The following ADAMTS18 variants were observed in gnomAD, a reference collection of about 807,000 sequenced individuals.
ADAMTS18 encodes the protein ADAM metallopeptidase with thrombospondin type 1 motif 18.
Under a neutral mutation model 165.9 loss-of-function variants are expected in ADAMTS18, and 157 were observed. That is an observed-to-expected ratio of 0.95 (90% confidence interval 0.83 to 1.08). The LOEUF (loss-of-function observed/expected upper bound fraction) is 1.08. ADAMTS18 is among the 50% of genes least tolerant of loss of function. The probability of loss-of-function intolerance (pLI) is 0.00; values close to 1 mark genes in which losing one functional copy is unlikely to be tolerated. For missense variants in ADAMTS18, 2,040 were observed against 1,534.0 expected, an observed-to-expected ratio of 1.33 and a Z score of -5.51; for synonymous variants, 782 against 578.2, an observed-to-expected ratio of 1.35 and a Z score of -5.06.
In ADAMTS18 at chr16:77,300,413, T is replaced by G; in HGVS notation, c.2533-9A>C. ...TTGCCTTGCATCAGAATCTGGACAG[T>G]GTAAGATAAAAATCAGAGATCAAGA... On this transcript the variant is annotated splice_polypyrimidine_tract_variant and intron_variant, in intron 16 of 22. Transcript: ENST00000282849. The G allele has an allele frequency of 6.2e-7, 1 of 1,613,996 alleles. No homozygotes were observed. The highest frequency in any genetic ancestry group is 8.5e-7 in the Non-Finnish European group (1 of 1,179,914).
intron 3 of ADAMTS18, among the ~76,000 whole-genome samples, chr16:77,398,685 C>T (rs565049015): frequency 6.6e-6 from 1 of 152,222 alleles, no homozygotes; most frequent in African/African-American, 2.4e-5. Context: ...TAGCAGCATT[C>T]CTGGCCTCTA....
chr16:77,347,123 C>T (rs2056489128), intron 10 of ADAMTS18, among the ~76,000 whole-genome samples: 1 of 152,170 alleles, frequency 6.6e-6, no homozygotes. Flanking sequence ...ATCAATAGTT[C>T]ATTCTTCTTT....
chr16:77,306,703 G>A (rs1421588910), intron 16 of ADAMTS18, among the ~76,000 whole-genome samples: 5 of 152,138 alleles, frequency 3.3e-5, no homozygotes, highest in Non-Finnish European at 7.4e-5. Context: ...AATTAACAAT[G>A]CCTATTGAGT....
At chr16:77,397,973 C>A (rs2144803428) in intron 3 of ADAMTS18, among the ~76,000 whole-genome samples, 1 of 152,224 alleles carries the variant, frequency 6.6e-6, no homozygotes. Flanking sequence ...GAGTTTGGGA[C>A]ACCCAATATA....
At chr16:77,407,313 A>G (rs905150131) in intron 3 of ADAMTS18, among the ~76,000 whole-genome samples, 1 of 152,090 alleles carries the variant, frequency 6.6e-6, no homozygotes, top group Non-Finnish European at 1.5e-5. Flanking sequence ...TGAAAACTAC[A>G]AAACACCACT....
intron 3 of ADAMTS18, among the ~76,000 whole-genome samples, chr16:77,403,624 G>A (rs956141390): frequency 1.3e-5 from 2 of 152,148 alleles, no homozygotes; most frequent in East Asian, 1.9e-4. Flanking sequence ...GCTTAGTCAG[G>A]TCCTCTGAAC....
intron 17 of ADAMTS18, among the ~76,000 whole-genome samples, chr16:77,299,118 G>A (rs1184512637): frequency 6.6e-6 from 1 of 152,218 alleles, no homozygotes; most frequent in African/African-American, 2.4e-5. Flanking sequence ...CTCATAATCT[G>A]TGACTAAATG....
At chr16:77,392,165 C>T (rs2057196841) in intron 3 of ADAMTS18, among the ~76,000 whole-genome samples, 1 of 152,190 alleles carries the variant, frequency 6.6e-6, no homozygotes, top group South Asian at 2.1e-4. Flanking sequence ...TGATACCATC[C>T]ACTCCTCTGC....
At chr16:77,301,539 C>G (rs1451977356) in intron 16 of ADAMTS18, among the ~76,000 whole-genome samples, 1 of 152,146 alleles carries the variant, frequency 6.6e-6, no homozygotes, top group Non-Finnish European at 1.5e-5. Flanking sequence ...AAATTCTTTA[C>G]CACTAGAACT....
rs1567459183 is a variant in ADAMTS18 at position 77,295,004 on chromosome 16, A to G, written c.2925T>C (p.Cys975=). 3.7e-6 allele frequency: 6 copies of G among 1,614,028 alleles called. No individual in the cohort carries two copies. Among genetic ancestry groups the G allele is most frequent in the Non-Finnish European group, 4.2e-6 (5 of 1,180,028 alleles). ...QKEEAVLHSL[C]PVSTPTQVQA... is the part of the protein sequence containing the mutation. The stretch of plus-strand genomic sequence containing the variant: ...GGACCTGAGTGGGTGTGCTCACTGG[A>G]CAGAGAGAATGCAACACTGCTTCCT... The change falls in exon 19 of 23, where the codon TGT becomes TGC. Residue 975 remains cysteine, a synonymous_variant. Coordinates refer to ENST00000282849, the MANE Select transcript of ADAMTS18 (RefSeq NM_199355.4).
In ADAMTS18 at chr16:77,364,198, A is replaced by T; in HGVS notation, c.962T>A (p.Val321Glu). ...KGNVTTYILT[V>E]MNMVSGLFKD... ...GACACCCCCGCTTACCATGTTCATT[A>T]CTGTGAGAATGTATGTGGTGACATT... is the stretch of plus-strand genomic sequence containing the variant. The change falls in exon 5 of 23, where the codon GTA becomes GAA. Residue 321 changes from valine (V) to glutamate (E), a missense_variant. Val to Glu is a moderately radical substitution (Grantham distance 121, BLOSUM62 -2). Transcript: ENST00000282849. 1 of 1,614,072 alleles carries T rather than the reference A, an allele frequency of 6.2e-7. No homozygotes were observed. Among genetic ancestry groups the T allele is most frequent in the South Asian group, 1.1e-5 (1 of 91,080 alleles).
Position 77,391,563 on chromosome 16 carries a change from T to G in ADAMTS18, c.496-23840A>C, listed in dbSNP as rs763541801. 1.6e-4 allele frequency among the ~76,000 whole-genome samples: 25 copies of G among 152,090 alleles called. 2 individuals carry two copies. The Middle Eastern group carries it at 0.038, about 229-fold the overall frequency. On this transcript the variant is annotated intron_variant, in intron 3 of 22. Coordinates refer to ENST00000282849, the MANE Select transcript of ADAMTS18 (RefSeq NM_199355.4). ...TCAATGTCAAATAACAAGTAATTGTTTGAGTATTCCTAACAGAGTACCAAT... is the reference window on the plus strand; with the variant it reads ...TCAATGTCAAATAACAAGTAATTGTGTGAGTATTCCTAACAGAGTACCAAT...
chr16:77,379,562 C>A (rs544227126), intron 3 of ADAMTS18, among the ~76,000 whole-genome samples: 1 of 152,256 alleles, frequency 6.6e-6, no homozygotes, highest in Admixed American at 6.5e-5. Context: ...TATTTCGGCT[C>A]ACTGCAACCT....
At chr16:77,415,663 G>C (rs940907648) in intron 3 of ADAMTS18, among the ~76,000 whole-genome samples, 1 of 144,788 alleles carries the variant, frequency 6.9e-6, no homozygotes, top group African/African-American at 2.6e-5. Context: ...AGGTGGGGAG[G>C]GTAGATCCTT....
chr16:77,412,834 G>T (rs1334837435), intron 3 of ADAMTS18, among the ~76,000 whole-genome samples: 1 of 152,004 alleles, frequency 6.6e-6, no homozygotes, highest in Non-Finnish European at 1.5e-5. Context: ...GAAATTATGG[G>T]AGCTACAGTT....
intron 3 of ADAMTS18, among the ~76,000 whole-genome samples, chr16:77,388,453 A>G (rs1466442292): frequency 6.6e-6 from 1 of 152,266 alleles, no homozygotes. Flanking sequence ...AAGTCATAAT[A>G]TCAGAAAACA....
intron 3 of ADAMTS18, among the ~76,000 whole-genome samples, chr16:77,416,223 G>A (rs566304995): frequency 1.1e-4 from 17 of 152,276 alleles, no homozygotes; most frequent in African/African-American, 4.1e-4. Context: ...TGCAGTCACT[G>A]AGGTAGGACA....
intron 2 of ADAMTS18, among the ~76,000 whole-genome samples, chr16:77,432,998 G>A (rs1176152917): frequency 6.6e-6 from 1 of 151,970 alleles, no homozygotes; most frequent in Non-Finnish European, 1.5e-5. Context: ...TAAAAATGCT[G>A]TATAATTGAC....
chr16:77,305,303 T>C (rs17687231), intron 16 of ADAMTS18, among the ~76,000 whole-genome samples: 5,440 of 152,290 alleles, frequency 0.036, 115 homozygotes, highest in South Asian at 0.053. Context: ...TTGGAGATTA[T>C]TGTCCACTTG....
Sources: gnomAD v4.1 joint callset for allele counts (sites outside exome capture counted in the v4.1 genomes callset) on GRCh38, gnomAD v4.1.1 for gene constraint, MANE v1.5 for transcripts, NCBI Gene and HGNC (gene_info 2026-07-23, HGNC 2026-07-21) for gene names.